Variants in GNL3L observed in about 807,000 individuals in gnomAD.
The protein encoded by GNL3L is guanine nucleotide-binding protein-like 3-like protein.
GNL3L carries 4 observed loss-of-function variants against 42.9 expected under a neutral mutation model. That is an observed-to-expected ratio of 0.09 (90% CI 0.05 to 0.21). The LOEUF (loss-of-function observed/expected upper bound fraction) is 0.21. Ranked by LOEUF, GNL3L falls within the 10% of genes least tolerant of loss-of-function variation. The pLI is 1.00. For missense variants in GNL3L, 412 were observed against 481.7 expected, an observed-to-expected ratio of 0.86 and a Z score of 1.36; for synonymous variants, 159 against 176.3, an observed-to-expected ratio of 0.90 and a Z score of 0.78.
intron 16 of GNL3L, among the ~76,000 whole-genome samples, chrX:54,600,875 A>G (rs1295048581): frequency 2.7e-5 from 3 of 112,215 alleles, no homozygotes; most frequent in African/African-American, 9.7e-5. Flanking sequence ...AAATAAAAAC[A>G]TATGTCCAGA....
At chrX:54,627,515 T>C in the GNL3L span, among the ~76,000 whole-genome samples, 1 of 111,397 alleles carries the variant, frequency 9.0e-6, no homozygotes, top group African/African-American at 3.3e-5. Flanking sequence ...TGTGAAGTCC[T>C]GTTCTGATCT....
At chrX:54,637,335 C>G in the GNL3L span, among the ~76,000 whole-genome samples, 1 of 111,733 alleles carries the variant, frequency 8.9e-6, no homozygotes, top group Non-Finnish European at 1.9e-5. Flanking sequence ...AATGTTGGCT[C>G]CAGGAGTACA....
chrX:54,539,245 G>T, intron 3 of GNL3L, 144 bp downstream of exon 3: 1 of 371,467 alleles, frequency 2.7e-6, no homozygotes. Context: ...CCTTCTCTGG[G>T]TGGCCGCAGC....
chrX:54,605,250 A>C (rs1163160803), intron 16 of GNL3L, among the ~76,000 whole-genome samples: 1 of 111,985 alleles, frequency 8.9e-6, no homozygotes, highest in Non-Finnish European at 1.9e-5. Context: ...GCCTAATTCT[A>C]ATTTTTTATA....
chrX:54,575,180 C>G (rs1925616637), intron 16 of GNL3L, among the ~76,000 whole-genome samples: 1 of 111,923 alleles, frequency 8.9e-6, no homozygotes, highest in African/African-American at 3.2e-5. Flanking sequence ...TGTTCTGTTT[C>G]TCATTTACTA....
intron 16 of GNL3L, among the ~76,000 whole-genome samples, chrX:54,588,030 A>C (rs1925811110): frequency 8.9e-6 from 1 of 111,790 alleles, no homozygotes; most frequent in Non-Finnish European, 1.9e-5. Flanking sequence ...TTTTATATAG[A>C]AATATAATTG....
At chrX:54,587,900 C>T (rs868514399) in intron 16 of GNL3L, among the ~76,000 whole-genome samples, 8 of 111,199 alleles carry the variant, frequency 7.2e-5, no homozygotes, top group African/African-American at 2.3e-4. Flanking sequence ...AGGCTGGTCT[C>T]GAACTCCTGA....
chrX:54,581,365 G>C (rs934784216), intron 16 of GNL3L, among the ~76,000 whole-genome samples: 1 of 109,840 alleles, frequency 9.1e-6, no homozygotes, highest in Admixed American at 9.7e-5. Context: ...TGGAGTAGCT[G>C]GGACTACAGG....
the GNL3L span, among the ~76,000 whole-genome samples, chrX:54,633,070 T>G: frequency 9.0e-6 from 1 of 110,995 alleles, no homozygotes; most frequent in Non-Finnish European, 1.9e-5. Context: ...TACTCGGGAG[T>G]GTCTGCAAAG....
intron 2 of GNL3L, among the ~76,000 whole-genome samples, chrX:54,536,944 T>C (rs1263932253): frequency 9.0e-6 from 1 of 110,771 alleles, no homozygotes; most frequent in Non-Finnish European, 1.9e-5. Flanking sequence ...AGTGATCTGT[T>C]GGTTAGAATT....
chrX:54,589,219 A>G (rs1276885541), intron 16 of GNL3L, among the ~76,000 whole-genome samples: 1 of 111,634 alleles, frequency 9.0e-6, no homozygotes, highest in East Asian at 2.8e-4. Context: ...GACTATAGTC[A>G]CCCTATAAAT....
At chrX:54,583,651 A>AT (rs200345600) in intron 16 of GNL3L, among the ~76,000 whole-genome samples, 12 of 107,676 alleles carry the variant, frequency 1.1e-4, no homozygotes, top group South Asian at 3.9e-4. Flanking sequence ...TTATATAATA[A>AT]TTTTTTTTTT....
At chrX:54,594,526 A>T (rs1925908052) in intron 16 of GNL3L, among the ~76,000 whole-genome samples, 1 of 106,734 alleles carries the variant, frequency 9.4e-6, no homozygotes, top group African/African-American at 3.4e-5. Flanking sequence ...TCTTGTCAGC[A>T]ACAGATCATT....
At chrX:54,610,377 C>T (rs1381702681) in intron 16 of GNL3L, among the ~76,000 whole-genome samples, 1 of 111,308 alleles carries the variant, frequency 9.0e-6, no homozygotes, top group Non-Finnish European at 1.9e-5. Context: ...GCTAGGACTT[C>T]TAGCACTATA....
chrX:54,629,759 G>T, the GNL3L span, among the ~76,000 whole-genome samples: 1 of 111,168 alleles, frequency 9.0e-6, no homozygotes, highest in African/African-American at 3.3e-5. Flanking sequence ...TGGTATTAGG[G>T]TGATACTGGC....
chrX:54,583,727 G>A (rs934846174), intron 16 of GNL3L, among the ~76,000 whole-genome samples: 3 of 110,103 alleles, frequency 2.7e-5, no homozygotes, highest in African/African-American at 6.6e-5. Context: ...CTGCAGCCTC[G>A]ACCTCCCCAA....
At chrX:54,629,010 T>C in the GNL3L span, among the ~76,000 whole-genome samples, 1 of 105,938 alleles carries the variant, frequency 9.4e-6, no homozygotes, top group Non-Finnish European at 1.9e-5. Context: ...TATATATATA[T>C]AATTTTTTGC....
intron 16 of GNL3L, among the ~76,000 whole-genome samples, chrX:54,575,844 A>T (rs918990016): frequency 1.8e-5 from 2 of 112,338 alleles, no homozygotes; most frequent in Admixed American, 1.9e-4. Context: ...CGGGAGTCGG[A>T]GGTTGCGGTG....
chrX:54,588,850 A>T (rs1163956528), intron 16 of GNL3L, among the ~76,000 whole-genome samples: 2 of 112,204 alleles, frequency 1.8e-5, no homozygotes, highest in Non-Finnish European at 3.8e-5. Context: ...CTTTAACTTT[A>T]TTCCTCAAAT....
Sources: allele counts gnomAD v4.1 joint callset (sites outside exome capture counted in the v4.1 genomes callset), GRCh38; gene constraint gnomAD v4.1.1; transcripts MANE v1.5; gene names NCBI Gene and HGNC (gene_info 2026-07-23, HGNC 2026-07-21).